USH2A: variants seen among roughly 807,000 people sequenced by gnomAD.
USH2A encodes the protein usherin.
USH2A carries 443 observed loss-of-function variants against 538.9 expected under a neutral mutation model. The observed-to-expected ratio is 0.82, with a 90% CI of 0.76 to 0.89. The LOEUF is 0.89. Among genes scored for constraint, USH2A ranks in the 40% least tolerant of loss-of-function variants. The probability of loss-of-function intolerance (pLI) is 0.00; values close to 1 mark genes in which losing one functional copy is unlikely to be tolerated. For synonymous variants in USH2A, 2,413 were observed against 2,273.5 expected, an observed-to-expected ratio of 1.06 and a Z score of -1.75; for missense variants, 6,633 against 6,324.8, an observed-to-expected ratio of 1.05 and a Z score of -1.65.
In USH2A at chr1:215,900,114, C is replaced by T; in HGVS notation, c.7555G>A (p.Ala2519Thr). 1.2e-6 allele frequency: 2 copies of T among 1,613,744 alleles called. No homozygotes were observed. Among genetic ancestry groups the T allele is most frequent in the Non-Finnish European group, 1.7e-6 (2 of 1,179,790 alleles). ...ATGAATGGAATCCAAGAACTATGTG[C>T]ACTGCCAAATCCATTGGAGGCAACC... ...RLVASNGFGS[A>T]HSSWIPFMTA... Residue 2519 changes from alanine to threonine, a missense_variant, in exon 40 of 72, where the codon GCA (alanine) becomes ACA (threonine). Transcript: ENST00000307340.
In USH2A at chr1:216,325,374, C is replaced by G. The variant is rs1379093927; in HGVS notation, c.1074G>C (p.Val358=). ...GATTAAGCTGTGTAATGTTTGTAAACACATTTGAAACCCATGAAGTACCAA... is the reference window on the plus strand; with the variant it reads ...GATTAAGCTGTGTAATGTTTGTAAAGACATTTGAAACCCATGAAGTACCAA... The part of the protein sequence containing the change: ...NDVGTSWVSN[V]FTNITQLNQG... Residue 358 remains valine, a synonymous_variant, in exon 6 of 72, where the codon GTG becomes GTC. Transcript: ENST00000307340. 6.2e-7 allele frequency: 1 copy of G among 1,613,854 alleles called. No individual in the cohort carries two copies. Among genetic ancestry groups the G allele is most frequent in the East Asian group, 2.2e-5 (1 of 44,840 alleles).
intron 61 of USH2A, among the ~76,000 whole-genome samples, chr1:215,694,296 A>G (rs1434305547): frequency 6.6e-6 from 1 of 152,206 alleles, no homozygotes; most frequent in Admixed American, 6.5e-5. Context: ...ATTTCTTGCC[A>G]GGCGTGGTGG....
At chr1:215,835,834 C>T (rs1336188319) in intron 47 of USH2A, among the ~76,000 whole-genome samples, 2 of 152,120 alleles carry the variant, frequency 1.3e-5, no homozygotes, top group East Asian at 3.9e-4. Flanking sequence ...TTCTTTCTGA[C>T]AAATATTGCT....
intron 64 of USH2A, among the ~76,000 whole-genome samples, chr1:215,657,627 T>G (rs1657301865): frequency 6.6e-6 from 1 of 152,188 alleles, no homozygotes; most frequent in African/African-American, 2.4e-5. Context: ...GTTCCCTTCA[T>G]CTAAAACACT....
At chr1:216,124,495 G>T (rs570946576) in intron 21 of USH2A, among the ~76,000 whole-genome samples, 4 of 152,168 alleles carry the variant, frequency 2.6e-5, no homozygotes, top group African/African-American at 9.6e-5. Flanking sequence ...AAAAGGCGGA[G>T]GGAAACCCCT....
intron 53 of USH2A, 46 bp downstream of exon 53, chr1:215,782,692 G>T (rs1159727887): frequency 1.9e-6 from 3 of 1,593,022 alleles, no homozygotes; most frequent in Non-Finnish European, 2.6e-6. Context: ...ATTTTCTTAT[G>T]AATTTATGGG....
chr1:215,680,427 C>T, intron 61 of USH2A, 51 bp from the exon 62 acceptor site: 3 of 1,569,186 alleles, frequency 1.9e-6, no homozygotes, highest in Non-Finnish European at 2.6e-6. Context: ...TTGAAACTGA[C>T]AATATTGCTG....
intron 32 of USH2A, among the ~76,000 whole-genome samples, chr1:216,010,811 C>T (rs2102492085): frequency 6.6e-6 from 1 of 152,082 alleles, no homozygotes; most frequent in Non-Finnish European, 1.5e-5. Context: ...TCCTGGACTA[C>T]AGCTACATCT....
intron 62 of USH2A, among the ~76,000 whole-genome samples, chr1:215,677,634 T>G (rs966180418): frequency 3.9e-5 from 6 of 152,174 alleles, no homozygotes; most frequent in African/African-American, 1.2e-4. Flanking sequence ...CATTTTGGCA[T>G]ATTTTCTCTT....
At chr1:215,919,120 C>CA (rs1419952828) in intron 38 of USH2A, among the ~76,000 whole-genome samples, 2 of 151,978 alleles carry the variant, frequency 1.3e-5, no homozygotes, top group African/African-American at 4.8e-5. Context: ...CAAGAATTTT[C>CA]AATTGGTTAT....
At chr1:216,247,342 C>A in intron 12 of USH2A, 116 bp from the exon 13 acceptor site, 1 of 1,313,478 alleles carries the variant, frequency 7.6e-7, no homozygotes, top group Non-Finnish European at 1.1e-6. Context: ...AGTGTTTTCT[C>A]ACAAGCAATG....
intron 47 of USH2A, among the ~76,000 whole-genome samples, chr1:215,819,941 T>C (rs980961936): frequency 6.6e-6 from 1 of 151,732 alleles, no homozygotes; most frequent in South Asian, 2.1e-4. Flanking sequence ...GAAAGGCATC[T>C]TTGAGAAATA....
chr1:216,261,706 C>T (rs145301446), intron 11 of USH2A, among the ~76,000 whole-genome samples: 3 of 152,128 alleles, frequency 2.0e-5, no homozygotes, highest in East Asian at 1.9e-4. Context: ...AACTGAGAAA[C>T]GACCCAACAG....
intron 49 of USH2A, among the ~76,000 whole-genome samples, chr1:215,803,945 A>G (rs1168953635): frequency 6.6e-6 from 1 of 152,194 alleles, no homozygotes. Flanking sequence ...GATATAAACC[A>G]AAGGAACAGA....
Position 216,066,236 on chromosome 1 carries a change from C to A in USH2A, c.6049+3865G>T, listed in dbSNP as rs932471167. On this transcript the variant is annotated intron_variant, in intron 30 of 71. Coordinates refer to ENST00000307340, the MANE Select transcript of USH2A (RefSeq NM_206933.4). ...CTGTAATCCCAGCACTTTGGGAGGC[C>A]AAGGTGGGTGAATCACGAGGTCAGG... Among the ~76,000 whole-genome samples the A allele has an allele frequency of 2.0e-5, 3 of 151,818 alleles. 1 individual carries two copies. Among genetic ancestry groups the A allele is most frequent in the South Asian group, 2.1e-4 (1 of 4,808 alleles).
intron 21 of USH2A, among the ~76,000 whole-genome samples, chr1:216,115,519 A>C (rs2032986045): frequency 1.3e-5 from 2 of 152,236 alleles, no homozygotes; most frequent in Admixed American, 6.5e-5. Flanking sequence ...CATTATAAAA[A>C]AGACTTTTAA....
intron 14 of USH2A, among the ~76,000 whole-genome samples, chr1:216,231,609 C>A (rs991727679): frequency 2.6e-5 from 4 of 151,382 alleles, no homozygotes; most frequent in Non-Finnish European, 5.9e-5. Flanking sequence ...AGTACAGTGG[C>A]GCGATCTCGG....
In USH2A at chr1:216,384,129, CT is replaced by C. The variant is rs538435102; in HGVS notation, c.652-19045del. 1.6e-3 allele frequency among the ~76,000 whole-genome samples: 238 copies of C among 151,564 alleles called. 1 individual carries two copies. The highest frequency in any genetic ancestry group is 5.5e-3 in the African/African-American group (229 of 41,428). The stretch of plus-strand genomic sequence containing the variant: ...TTCCTTCTCTGCCTATGCTTTCTTT[CT>C]TTTTTTATAACTATGACATAAACCT... On this transcript the variant is annotated intron_variant, in intron 3 of 71. Transcript: ENST00000307340.
chr1:215,768,281 GAAC>G (rs1661188204), intron 55 of USH2A, among the ~76,000 whole-genome samples: 1 of 152,160 alleles, frequency 6.6e-6, no homozygotes, highest in African/African-American at 2.4e-5. Flanking sequence ...TGCTCTGAAA[GAAC>G]AACAACTTTG....
Sources: gnomAD v4.1 joint callset for allele counts (sites outside exome capture counted in the v4.1 genomes callset) on GRCh38, gnomAD v4.1.1 for gene constraint, MANE v1.5 for transcripts, NCBI Gene and HGNC (gene_info 2026-07-23, HGNC 2026-07-21) for gene names.